The following NPAS3 variants were observed in gnomAD, a reference collection of about 807,000 sequenced individuals.
NPAS3 encodes neuronal PAS domain-containing protein 3.
A neutral mutation model predicts 73.1 loss-of-function variants in NPAS3; 14 were observed. The observed-to-expected ratio is 0.19, with a 90% CI of 0.13 to 0.30. The LOEUF (loss-of-function observed/expected upper bound fraction) is 0.30. Among genes scored for constraint, NPAS3 ranks in the 10% least tolerant of loss-of-function variants. The probability of loss-of-function intolerance (pLI) is 1.00; values close to 1 mark genes in which losing one functional copy is unlikely to be tolerated. For synonymous variants in NPAS3, 620 were observed against 541.5 expected (o/e 1.14, Z -2.01); for missense variants, 1,096 against 1,250.0 (o/e 0.88, Z 1.86).
At chr14:33,744,106 C>G (rs1267739210) in intron 7 of NPAS3, among the ~76,000 whole-genome samples, 1 of 152,168 alleles carries the variant, frequency 6.6e-6, no homozygotes, top group East Asian at 1.9e-4. Context: ...AAGAACTTTT[C>G]CTTTGCATTC....
chr14:33,149,905 AG>A (rs1482104445), intron 2 of NPAS3, among the ~76,000 whole-genome samples: 1 of 152,168 alleles, frequency 6.6e-6, no homozygotes, highest in African/African-American at 2.4e-5. Flanking sequence ...CATCTACATT[AG>A]GTATTTCCCT....
chr14:33,082,395 T>G (rs961296213), intron 2 of NPAS3, among the ~76,000 whole-genome samples: 1 of 152,210 alleles, frequency 6.6e-6, no homozygotes, highest in African/African-American at 2.4e-5. Flanking sequence ...TCTGAAGACG[T>G]TTTGCAAATT....
In NPAS3 at chr14:33,024,142, A is replaced by ATGTGTGTG. The variant is rs5807700; in HGVS notation, c.51-31741_51-31734dup. Among the ~76,000 whole-genome samples the ATGTGTGTG allele has an allele frequency of 6.5e-3, 933 of 143,240 alleles. 13 individuals carry two copies. Among genetic ancestry groups the ATGTGTGTG allele is most frequent in the African/African-American group, 0.023 (851 of 36,414 alleles). 94.0% of individuals were successfully genotyped at this position (143,240 alleles called of 152,430 possible). Reference sequence around the variant, plus strand: ...TGTATATATATGTGTGTGTGTGTATATGTGTGTGTGTGTGTGTGTGTGTGT... The same window carrying ATGTGTGTG: ...TGTATATATATGTGTGTGTGTGTATATGTGTGTGTGTGTGTGTGTGTGTGTGTGTGTGT... On this transcript the variant is annotated intron_variant, in intron 1 of 11. Coordinates refer to ENST00000356141, the Ensembl canonical transcript of NPAS3.
chr14:33,537,574 A>G (rs899198471), intron 4 of NPAS3, among the ~76,000 whole-genome samples: 12 of 152,188 alleles, frequency 7.9e-5, no homozygotes, highest in Admixed American at 5.2e-4. Flanking sequence ...GAGATCATCA[A>G]CCTTATTTTA....
chr14:33,312,534 T>C (rs958538392), intron 3 of NPAS3, among the ~76,000 whole-genome samples: 1 of 152,044 alleles, frequency 6.6e-6, no homozygotes, highest in African/African-American at 2.4e-5. Context: ...AGTTGCAACA[T>C]TGGGTTGTCA....
chr14:33,176,495 T>C (rs959906761), intron 2 of NPAS3, among the ~76,000 whole-genome samples: 6 of 152,264 alleles, frequency 3.9e-5, no homozygotes, highest in African/African-American at 1.4e-4. Context: ...GTATTTGGCA[T>C]GTTTCACTTA....
chr14:33,384,943 A>G (rs960440246), intron 4 of NPAS3, among the ~76,000 whole-genome samples: 1 of 152,102 alleles, frequency 6.6e-6, no homozygotes, highest in Non-Finnish European at 1.5e-5. Flanking sequence ...GAGATGGAGA[A>G]GGCTGCTCAT....
intron 5 of NPAS3, among the ~76,000 whole-genome samples, chr14:33,605,413 CAA>C (rs2057528421): frequency 1.1e-3 from 122 of 113,334 alleles, no homozygotes; most frequent in Non-Finnish European, 8.5e-4. Context: ...AAAAAAAACA[CAA>C]ACCTTTTATT....
At chr14:33,592,767 T>C (rs1595230006) in intron 5 of NPAS3, among the ~76,000 whole-genome samples, 1 of 152,226 alleles carries the variant, frequency 6.6e-6, no homozygotes, top group Non-Finnish European at 1.5e-5. Flanking sequence ...TTTAAGGCTC[T>C]TTTTAGTAAG....
chr14:33,690,223 G>C (rs1000047182), intron 6 of NPAS3, among the ~76,000 whole-genome samples: 3 of 152,156 alleles, frequency 2.0e-5, no homozygotes, highest in Non-Finnish European at 4.4e-5. Flanking sequence ...GTATTGGTTT[G>C]AACTTTATGT....
chr14:33,541,077 T>C (rs2054489080), intron 4 of NPAS3, among the ~76,000 whole-genome samples: 1 of 147,982 alleles, frequency 6.8e-6, no homozygotes, highest in Non-Finnish European at 1.5e-5. Context: ...GAAAGAACTA[T>C]TGTTGGGGTA....
chr14:33,034,243 A>G (rs1397332128), intron 1 of NPAS3, among the ~76,000 whole-genome samples: 1 of 152,006 alleles, frequency 6.6e-6, no homozygotes, highest in Non-Finnish European at 1.5e-5. Flanking sequence ...ATATGTTTCT[A>G]AAGTAGGATT....
intron 1 of NPAS3, among the ~76,000 whole-genome samples, chr14:32,987,576 A>G (rs2038149391): frequency 6.6e-6 from 1 of 152,226 alleles, no homozygotes; most frequent in Admixed American, 6.5e-5. Context: ...AATTAGTAAT[A>G]TAGCATTTTT....
intron 6 of NPAS3, among the ~76,000 whole-genome samples, chr14:33,686,839 C>G (rs981365293): frequency 6.6e-5 from 10 of 152,244 alleles, no homozygotes; most frequent in African/African-American, 2.4e-4. Flanking sequence ...CCACCCTTCC[C>G]AGGCAGCTCT....
At chr14:33,077,157 A>G (rs2041687134) in intron 2 of NPAS3, among the ~76,000 whole-genome samples, 4 of 152,204 alleles carry the variant, frequency 2.6e-5, no homozygotes, top group Admixed American at 2.6e-4. Context: ...TAAAAAGGTG[A>G]TAAGTACTAC....
At chr14:33,573,021 CAAAAAAAAAAAA>C (rs1172844613) in intron 5 of NPAS3, among the ~76,000 whole-genome samples, 1 of 61,592 alleles carries the variant, frequency 1.6e-5, no homozygotes, top group Non-Finnish European at 3.3e-5. Context: ...GACTTCTTCT[CAAAAAAAAAAAA>C]AAAAAAAAAA....
chr14:33,577,877 G>T (rs2056503210), intron 5 of NPAS3, among the ~76,000 whole-genome samples: 1 of 152,178 alleles, frequency 6.6e-6, no homozygotes, highest in Admixed American at 6.5e-5. Flanking sequence ...GAACCTGCAG[G>T]TGCACTGACC....
intron 4 of NPAS3, among the ~76,000 whole-genome samples, chr14:33,546,476 C>G (rs147069736): frequency 2.7e-4 from 41 of 152,214 alleles, no homozygotes; most frequent in Non-Finnish European, 5.4e-4. Context: ...CTCCCTACAT[C>G]TACCATTTCC....
downstream of NPAS3, chr14:33,802,528 A>T (rs537633285): frequency 6.6e-6 from 1 of 152,338 alleles, no homozygotes; most frequent in East Asian, 1.9e-4. Flanking sequence ...CTGTTTGTTA[A>T]GGCATCTAAT....
Sources: allele counts gnomAD v4.1 joint callset (sites outside exome capture counted in the v4.1 genomes callset), GRCh38; gene constraint gnomAD v4.1.1; transcripts MANE v1.5; gene names NCBI Gene and HGNC (gene_info 2026-07-23, HGNC 2026-07-21).